UBE2H: variants seen among roughly 807,000 people sequenced by gnomAD.
UBE2H encodes ubiquitin-conjugating enzyme E2 H.
In UBE2H, 3 loss-of-function variants were observed where a neutral mutation model predicts 29.0. The observed-to-expected ratio is 0.10, with a 90% CI of 0.05 to 0.27. The LOEUF is 0.27. Ranked by LOEUF, UBE2H falls within the 10% of genes least tolerant of loss-of-function variation. The pLI, the probability that UBE2H is intolerant of heterozygous loss-of-function variation, is 1.00. For synonymous variants in UBE2H, 69 were observed against 82.9 expected (o/e 0.83, Z 0.91); for missense variants, 68 against 228.2 (o/e 0.30, Z 4.52).
intron 5 of UBE2H, among the ~76,000 whole-genome samples, chr7:129,852,235 G>A (rs957489167): frequency 6.6e-6 from 1 of 152,182 alleles, no homozygotes; most frequent in Non-Finnish European, 1.5e-5. Flanking sequence ...GCCAAAATCT[G>A]AATTATTTGG....
chr7:129,837,572 G>A (rs1805353386), intron 6 of UBE2H, among the ~76,000 whole-genome samples: 1 of 148,690 alleles, frequency 6.7e-6, no homozygotes, highest in African/African-American at 2.5e-5. Context: ...CTGAAACAGG[G>A]AGACCTCTGA....
intron 3 of UBE2H, among the ~76,000 whole-genome samples, chr7:129,873,051 G>A (rs905563518): frequency 3.4e-5 from 5 of 146,654 alleles, no homozygotes; most frequent in South Asian, 2.2e-4. Flanking sequence ...CAAGAGTCTC[G>A]CTCTGTTGCC....
chr7:129,893,464 T>A (rs1400650679), intron 1 of UBE2H, among the ~76,000 whole-genome samples: 1 of 152,108 alleles, frequency 6.6e-6, no homozygotes, highest in Non-Finnish European at 1.5e-5. Context: ...CAACAAAATA[T>A]TTTTAAAAGC....
At chr7:129,925,367 A>G (rs1466756044) in intron 1 of UBE2H, among the ~76,000 whole-genome samples, 1 of 152,148 alleles carries the variant, frequency 6.6e-6, no homozygotes, top group Non-Finnish European at 1.5e-5. Flanking sequence ...AGATATTCAT[A>G]AACAAAAATT....
At chr7:129,868,019 T>C (rs1805949215) in intron 3 of UBE2H, among the ~76,000 whole-genome samples, 1 of 152,196 alleles carries the variant, frequency 6.6e-6, no homozygotes, top group Non-Finnish European at 1.5e-5. Flanking sequence ...AACAGGTTTC[T>C]AAAAAGAACT....
chr7:129,860,325 G>A (rs936812411), intron 3 of UBE2H, among the ~76,000 whole-genome samples: 40 of 152,108 alleles, frequency 2.6e-4, no homozygotes, highest in African/African-American at 7.7e-4. Flanking sequence ...TGATGTTTAA[G>A]TTACTCTGAT....
chr7:129,835,130 A>C (rs1805298460), intron 6 of UBE2H, 69 bp from the exon 7 acceptor site: 1 of 1,605,654 alleles, frequency 6.2e-7, no homozygotes, highest in Non-Finnish European at 8.5e-7. Flanking sequence ...GACCCCAAAA[A>C]GCTGGCAAGG....
chr7:129,873,727 T>C (rs1445516605), intron 3 of UBE2H, among the ~76,000 whole-genome samples: 1 of 152,112 alleles, frequency 6.6e-6, no homozygotes, highest in Non-Finnish European at 1.5e-5. Flanking sequence ...GATGAGCCAC[T>C]GCGCTCGGCC....
At chr7:129,863,991 C>T (rs1225206296) in intron 3 of UBE2H, among the ~76,000 whole-genome samples, 1 of 152,088 alleles carries the variant, frequency 6.6e-6, no homozygotes, top group Non-Finnish European at 1.5e-5. Flanking sequence ...TAGGGTTTCA[C>T]CATGTTGGCC....
chr7:129,896,230 T>C (rs1291017732), intron 1 of UBE2H, among the ~76,000 whole-genome samples: 1 of 150,488 alleles, frequency 6.6e-6, no homozygotes, highest in Non-Finnish European at 1.5e-5. Context: ...CCAGCTACTC[T>C]AGAGGCTGAG....
rs1195977013 is a variant in UBE2H, at chr7:129,880,976, G to A, written c.54-5C>T. On this transcript the variant is annotated splice_polypyrimidine_tract_variant and splice_region_variant and intron_variant, in intron 1 of 6. Transcript: ENST00000355621. Reference sequence around the variant, plus strand: ...ACCTCATGTTTACTCTCGATGCTAAGGTGGACGGTAAAGGAAATTACACAG... The same window carrying A: ...ACCTCATGTTTACTCTCGATGCTAAAGTGGACGGTAAAGGAAATTACACAG... 6.2e-7 allele frequency: 1 copy of A among 1,611,930 alleles called. No individual in the cohort carries two copies. The highest frequency in any genetic ancestry group is 2.2e-5 in the East Asian group (1 of 44,794).
chr7:129,869,712 G>A (rs1468532911), intron 3 of UBE2H, among the ~76,000 whole-genome samples: 2 of 152,182 alleles, frequency 1.3e-5, no homozygotes, highest in Non-Finnish European at 2.9e-5. Flanking sequence ...ACTGTATCAG[G>A]CCCTGAGTAG....
chr7:129,914,012 G>A (rs1015458645), intron 1 of UBE2H, among the ~76,000 whole-genome samples: 4 of 152,082 alleles, frequency 2.6e-5, no homozygotes, highest in African/African-American at 4.8e-5. Flanking sequence ...GGAACTCAAT[G>A]CATATCTTGG....
chr7:129,843,856 A>G (rs1325596856), intron 5 of UBE2H, among the ~76,000 whole-genome samples: 3 of 152,246 alleles, frequency 2.0e-5, no homozygotes, highest in East Asian at 3.8e-4. Flanking sequence ...ATGCTATTAC[A>G]TAACAACGAA....
At position 129,903,704 on chromosome 7, in the gene UBE2H, G is replaced by A. The variant is rs529541801; in HGVS notation, c.54-22733C>T. ...GCTTGAGCCCAGGAGTTTGAGACTA[G>A]CCTACGCAACAAAGCAAGACGCCAT... On this transcript the variant is annotated intron_variant, in intron 1 of 6. Transcript: ENST00000355621. Among the ~76,000 whole-genome samples, 11 of 152,244 alleles carry A rather than the reference G, an allele frequency of 7.2e-5. No homozygotes were observed. In the East Asian group the frequency reaches 1.9e-3, roughly 27 times the overall value.
intron 5 of UBE2H, among the ~76,000 whole-genome samples, chr7:129,854,068 T>TTTTTTTTTATTTTTTTTTTA (rs1805661585): frequency 2.7e-5 from 4 of 148,706 alleles, no homozygotes; most frequent in Non-Finnish European, 6.0e-5. Flanking sequence ...TAGTTTTTTT[T>TTTTTTTTTATTTTTTTTTTA]TTTTTTTTTT....
intron 1 of UBE2H, among the ~76,000 whole-genome samples, chr7:129,884,117 A>G (rs999966553): frequency 7.3e-5 from 11 of 151,586 alleles, no homozygotes; most frequent in Non-Finnish European, 1.5e-4. Flanking sequence ...TAAAAAAATA[A>G]TAAAAATTTC....
At chr7:129,931,074 T>C (rs1807383775) in intron 1 of UBE2H, among the ~76,000 whole-genome samples, 1 of 149,658 alleles carries the variant, frequency 6.7e-6, no homozygotes, top group Non-Finnish European at 1.5e-5. Flanking sequence ...AAAAATTAGC[T>C]GGGCGTGGTG....
chr7:129,945,501 T>A (rs1486632788), intron 1 of UBE2H, among the ~76,000 whole-genome samples: 2 of 152,180 alleles, frequency 1.3e-5, no homozygotes, highest in Admixed American at 6.5e-5. Context: ...GCCAAAACGA[T>A]ACCAACTAAA....
Sources: allele counts gnomAD v4.1 joint callset (sites outside exome capture counted in the v4.1 genomes callset), GRCh38; gene constraint gnomAD v4.1.1; transcripts MANE v1.5; gene names NCBI Gene and HGNC (gene_info 2026-07-23, HGNC 2026-07-21).